PDZRN4: variants seen among roughly 807,000 people sequenced by gnomAD.
PDZRN4 encodes the protein PDZ domain-containing RING finger protein 4.
In PDZRN4, 70 loss-of-function variants were observed where a neutral mutation model predicts 99.0. The ratio of observed to expected loss-of-function variants is 0.71; its 90% CI spans 0.58 to 0.86. PDZRN4 has a LOEUF of 0.86. Ranked by LOEUF, PDZRN4 falls within the 40% of genes least tolerant of loss-of-function variation. PDZRN4 has a pLI of 0.00. For missense variants in PDZRN4, 1,474 were observed against 1,331.2 expected (o/e 1.11, Z -1.67); for synonymous variants, 551 against 501.6 (o/e 1.10, Z -1.32).
rs568440009 is a variant in PDZRN4 at position 41,321,879 on chromosome 12, G to A, written c.843+127691G>A. ...ATAATTATATTGGGATTTACGGTTG[G>A]AAAACTTACTGTTTTCTCCTTCATT... is the stretch of plus-strand genomic sequence containing the variant. On this transcript the variant is annotated intron_variant, in intron 3 of 9. Coordinates refer to ENST00000402685, the MANE Select transcript of PDZRN4 (RefSeq NM_001164595.2). Among the ~76,000 whole-genome samples, 3 of 152,084 alleles carry A rather than the reference G, an allele frequency of 2.0e-5. No individual in the cohort carries two copies. The South Asian group carries it at 6.2e-4, about 32-fold the overall frequency.
At chr12:41,514,452 C>G (rs1306413533) in intron 5 of PDZRN4, among the ~76,000 whole-genome samples, 1 of 151,944 alleles carries the variant, frequency 6.6e-6, no homozygotes, top group African/African-American at 2.4e-5. Flanking sequence ...TAATTATTAA[C>G]TACATTCTAT....
chr12:41,493,075 A>G (rs145659525), intron 3 of PDZRN4, among the ~76,000 whole-genome samples: 4 of 152,274 alleles, frequency 2.6e-5, no homozygotes, highest in African/African-American at 7.2e-5. Flanking sequence ...AGCTCCTAAT[A>G]TTTTCAGCCC....
At chr12:41,480,526 C>T (rs1056501879) in intron 3 of PDZRN4, among the ~76,000 whole-genome samples, 6 of 151,978 alleles carry the variant, frequency 3.9e-5, no homozygotes, top group Admixed American at 6.6e-5. Flanking sequence ...TATTTCATAT[C>T]CCAAATGCCT....
At chr12:41,370,017 G>A (rs980931196) in intron 3 of PDZRN4, among the ~76,000 whole-genome samples, 5 of 151,400 alleles carry the variant, frequency 3.3e-5, no homozygotes, top group African/African-American at 2.4e-5. Flanking sequence ...TTCTCTCAAA[G>A]GACCTCAGGA....
intron 3 of PDZRN4, among the ~76,000 whole-genome samples, chr12:41,345,966 A>G (rs2121025294): frequency 1.3e-5 from 2 of 152,200 alleles, no homozygotes; most frequent in Admixed American, 1.3e-4. Flanking sequence ...TATTCTTATT[A>G]AAACTAGTAT....
At chr12:41,290,352 T>A (rs998704045) in intron 3 of PDZRN4, among the ~76,000 whole-genome samples, 3 of 152,194 alleles carry the variant, frequency 2.0e-5, no homozygotes, top group Non-Finnish European at 4.4e-5. Flanking sequence ...GTTTGGAAAA[T>A]AGAAATTCTG....
At chr12:41,292,534 TTGAC>T (rs769994082) in intron 3 of PDZRN4, among the ~76,000 whole-genome samples, 8 of 152,180 alleles carry the variant, frequency 5.3e-5, no homozygotes, top group Non-Finnish European at 1.2e-4. Context: ...GGACCCCCCT[TTGAC>T]TGGGTTTGTG....
intron 3 of PDZRN4, among the ~76,000 whole-genome samples, chr12:41,427,158 AT>A (rs1952544044): frequency 6.6e-6 from 1 of 152,132 alleles, no homozygotes; most frequent in Non-Finnish European, 1.5e-5. Flanking sequence ...GACACCAACC[AT>A]TTTTATCTTA....
intron 6 of PDZRN4, among the ~76,000 whole-genome samples, chr12:41,553,916 T>C (rs992112288): frequency 3.3e-5 from 5 of 151,990 alleles, no homozygotes; most frequent in African/African-American, 1.2e-4. Context: ...AACTACAAGG[T>C]GAGTACAACA....
At chr12:41,193,388 C>T (rs1361979933) in intron 2 of PDZRN4, among the ~76,000 whole-genome samples, 2 of 151,946 alleles carry the variant, frequency 1.3e-5, no homozygotes, top group Admixed American at 6.6e-5. Context: ...GGATATTTTC[C>T]CCTAAATAAG....
At chr12:41,298,638 A>G (rs1200005410) in intron 3 of PDZRN4, among the ~76,000 whole-genome samples, 2 of 152,182 alleles carry the variant, frequency 1.3e-5, no homozygotes, top group African/African-American at 2.4e-5. Context: ...ATGAAGTTCA[A>G]TGTATAAATT....
chr12:41,459,647 A>T (rs1952851050), intron 3 of PDZRN4, among the ~76,000 whole-genome samples: 1 of 152,206 alleles, frequency 6.6e-6, no homozygotes, highest in African/African-American at 2.4e-5. Context: ...AAACAGACTT[A>T]TATACCCCAA....
chr12:41,212,180 T>C (rs539896576), intron 3 of PDZRN4, among the ~76,000 whole-genome samples: 1 of 152,122 alleles, frequency 6.6e-6, no homozygotes, highest in African/African-American at 2.4e-5. Context: ...TAAAGGGATA[T>C]AAACCTTCAT....
intron 9 of PDZRN4, among the ~76,000 whole-genome samples, chr12:41,571,032 T>C (rs1442905538): frequency 6.6e-6 from 1 of 152,124 alleles, no homozygotes; most frequent in Non-Finnish European, 1.5e-5. Flanking sequence ...TTTTAGAATA[T>C]CTTTTGTCAC....
chr12:41,321,888 C>T (rs894534778), intron 3 of PDZRN4, among the ~76,000 whole-genome samples: 1 of 152,108 alleles, frequency 6.6e-6, no homozygotes, highest in Non-Finnish European at 1.5e-5. Flanking sequence ...GGAAAACTTA[C>T]TGTTTTCTCC....
chr12:41,506,810 A>G (rs1401943171), intron 4 of PDZRN4, 98 bp downstream of exon 4: 2 of 1,353,136 alleles, frequency 1.5e-6, no homozygotes, highest in Non-Finnish European at 2.0e-6. Flanking sequence ...GTTGACAGTT[A>G]TGGAGACAGG....
intron 3 of PDZRN4, among the ~76,000 whole-genome samples, chr12:41,218,541 T>G (rs955148264): frequency 2.0e-5 from 3 of 152,114 alleles, no homozygotes; most frequent in African/African-American, 7.2e-5. Flanking sequence ...ATATAAAAAT[T>G]TTATCATATA....
intron 3 of PDZRN4, among the ~76,000 whole-genome samples, chr12:41,438,585 T>C (rs1209295561): frequency 6.6e-6 from 1 of 152,228 alleles, no homozygotes; most frequent in Non-Finnish European, 1.5e-5. Context: ...TACCACTTGT[T>C]ATTGGATCCT....
chr12:41,325,172 T>C (rs1455345365), intron 3 of PDZRN4, among the ~76,000 whole-genome samples: 2 of 152,200 alleles, frequency 1.3e-5, no homozygotes, highest in Admixed American at 1.3e-4. Context: ...GTATCCTTGA[T>C]AATAAATATT....
Sources: allele counts gnomAD v4.1 joint callset (sites outside exome capture counted in the v4.1 genomes callset), GRCh38; gene constraint gnomAD v4.1.1; transcripts MANE v1.5; gene names NCBI Gene and HGNC (gene_info 2026-07-23, HGNC 2026-07-21).